Variants in DGCR6 observed in about 807,000 individuals in gnomAD.
DGCR6 encodes the protein protein DGCR6.
rs1380271455 is a variant in DGCR6, at chr22:18,908,771, G to C, written c.272-1401G>C. 1.5e-5 allele frequency: 4 copies of C among 273,470 alleles called. 2 individuals are homozygous for C. The highest frequency in any genetic ancestry group is 3.6e-5 in the Non-Finnish European group (4 of 111,572). The allele number at this position is 273,470 out of a possible 1,614,324, so 16.9% of individuals were successfully genotyped here. On this transcript the variant is annotated intron_variant, in intron 2 of 4. Coordinates refer to ENST00000331444, the MANE Select transcript of DGCR6 (RefSeq NM_005675.6). Reference sequence around the variant, plus strand: ...TCGGCCATTTTTCCACAGAGTTGTAGTTCTTTCTAGCAGGATGGGGAGTTT... The same window carrying C: ...TCGGCCATTTTTCCACAGAGTTGTACTTCTTTCTAGCAGGATGGGGAGTTT...
At position 18,908,492 on chromosome 22, in the gene DGCR6, C is replaced by A. The variant is rs183869501; in HGVS notation, c.272-1680C>A. 1.2e-4 allele frequency among the ~76,000 whole-genome samples: 6 copies of A among 48,206 alleles called. No individual in the cohort carries two copies. The East Asian group carries it at 1.7e-3, about 14-fold the overall frequency. The allele number at this position is 48,206 out of a possible 152,430, so 31.6% of individuals were successfully genotyped here. A position where few individuals can be genotyped will look rare whatever the true frequency, so the allele number is the denominator to read the frequency against. The stretch of plus-strand genomic sequence containing the variant: ...AAGAGTTTGTGTAGAATTGGCATTA[C>A]TTCTTCCCCTAAATGTCTGGGTGAC... On this transcript the variant is annotated intron_variant, in intron 2 of 4. Coordinates refer to ENST00000331444, the MANE Select transcript of DGCR6 (RefSeq NM_005675.6).
At chr22:18,909,536 G>A (rs58429224) in intron 2 of DGCR6, among the ~76,000 whole-genome samples, 1,830 of 50,726 alleles carry the variant, frequency 0.036, 319 homozygotes, top group African/African-American at 0.1. Flanking sequence ...CTTGGTGGCC[G>A]AGGGTGAGCC....
intron 2 of DGCR6, chr22:18,908,620 C>G (rs1448013004): frequency 3.2e-6 from 1 of 308,624 alleles, no homozygotes; most frequent in African/African-American, 3.0e-5. Context: ...CATGTGTGGC[C>G]AGTTGGGGGC....
In DGCR6 at chr22:18,909,773, C is replaced by T. The variant is rs528860739; in HGVS notation, c.272-399C>T. ...GCAGAGGCCCCACGCTCAGGGTCAG[C>T]GACCCGGCTCCTCCTGCTCCTTTCC... On this transcript the variant is annotated intron_variant, in intron 2 of 4. Transcript: ENST00000331444. Among the ~76,000 whole-genome samples, 3 of 87,636 alleles carry T rather than the reference C, an allele frequency of 3.4e-5. 1 individual carries two copies. The highest frequency in any genetic ancestry group is 9.0e-5 in the Non-Finnish European group (3 of 33,270). 57.5% of individuals were successfully genotyped at this position (87,636 alleles called of 152,430 possible).
At chr22:18,910,860 TC>T in intron 3 of DGCR6, 27 bp from the exon 4 acceptor site, 1 of 94,750 alleles carries the variant, frequency 1.1e-5, no homozygotes. Context: ...TGCCCTCACC[TC>T]CCCCGCCGCC....
At chr22:18,906,982 TC>T in intron 2 of DGCR6, 1 of 61,954 alleles carries the variant, frequency 1.6e-5, no homozygotes, top group Admixed American at 1.8e-4. Context: ...CCCACCCCCT[TC>T]CAGGCCTGAT....
chr22:18,908,990 G>A lies in DGCR6; in HGVS notation c.272-1182G>A, dbSNP rs1332930647. Among the ~76,000 whole-genome samples the A allele has an allele frequency of 3.8e-5, 4 of 104,280 alleles. 2 individuals carry two copies. The highest frequency in any genetic ancestry group is 1.2e-4 in the African/African-American group (4 of 32,514). 68.4% of individuals were successfully genotyped at this position (104,280 alleles called of 152,430 possible). ...GGCCCCTTCTGCCCAGGCAGCCGGC[G>A]TGGCTCTCTTCTTGCCTTTTGGTTG... On this transcript the variant is annotated intron_variant, in intron 2 of 4. Coordinates refer to ENST00000331444, the MANE Select transcript of DGCR6 (RefSeq NM_005675.6).
chr22:18,909,689 G>A (rs117145996), intron 2 of DGCR6, among the ~76,000 whole-genome samples: 1,841 of 81,842 alleles, frequency 0.022, 532 homozygotes, highest in South Asian at 0.094. Flanking sequence ...ATGGGGGAGG[G>A]GGCTGCCCAC....
chr22:18,909,122 G>C (rs2081898754), intron 2 of DGCR6, among the ~76,000 whole-genome samples: 1 of 87,216 alleles, frequency 1.1e-5, no homozygotes. Context: ...GAGCTGTCTT[G>C]AGGGGGGCTT....
rs1438047340 is a variant in DGCR6, at chr22:18,908,579, G to A, written c.272-1593G>A. ...TGCAGTTTACTAATCCCAAGTGCAT[G>A]GCTCATTATTCCTTAATGCTCAGAC... On this transcript the variant is annotated intron_variant, in intron 2 of 4. Transcript: ENST00000331444. The A allele has an allele frequency of 2.5e-5, 6 of 239,680 alleles. No homozygotes were observed. In the East Asian group the frequency reaches 3.2e-4, roughly 13 times the overall value. 14.8% of individuals were successfully genotyped at this position (239,680 alleles called of 1,614,324 possible). A position where few individuals can be genotyped will look rare whatever the true frequency, so the allele number is the denominator to read the frequency against.
At position 18,909,800 on chromosome 22, in the gene DGCR6, A is replaced by G. The variant is rs1184771226; in HGVS notation, c.272-372A>G. Among the ~76,000 whole-genome samples, 2 of 81,706 alleles carry G rather than the reference A, an allele frequency of 2.4e-5. 1 individual carries two copies. Among genetic ancestry groups the G allele is most frequent in the Non-Finnish European group, 6.4e-5 (2 of 31,416 alleles). 53.6% of individuals were successfully genotyped at this position (81,706 alleles called of 152,430 possible). ...ACCCGGCTCCTCCTGCTCCTTTCCC[A>G]TGCCTTTGCCTGAGGTGGTCTCCAA... On this transcript the variant is annotated intron_variant, in intron 2 of 4. Coordinates refer to ENST00000331444, the MANE Select transcript of DGCR6 (RefSeq NM_005675.6).
chr22:18,909,224 AG>A (rs2081899120), intron 2 of DGCR6, among the ~76,000 whole-genome samples: 1 of 85,652 alleles, frequency 1.2e-5, no homozygotes, highest in South Asian at 2.7e-4. Flanking sequence ...GGCTACCTGC[AG>A]GGGAGCCTCA....
In DGCR6 at chr22:18,909,114, G is replaced by C. The variant is rs557274615; in HGVS notation, c.272-1058G>C. 7.4e-4 allele frequency among the ~76,000 whole-genome samples: 65 copies of C among 88,010 alleles called. 12 individuals are homozygous for C. The highest frequency in any genetic ancestry group is 2.3e-3 in the African/African-American group (62 of 27,008). The allele number at this position is 88,010 out of a possible 152,430, so 57.7% of individuals were successfully genotyped here. On this transcript the variant is annotated intron_variant, in intron 2 of 4. Transcript: ENST00000331444. ...TTTCCCTGCTTCCCTGTGTTATGGA[G>C]CTGTCTTGAGGGGGGCTTTTGGTAA...
At chr22:18,909,664 G>A (rs949520334) in intron 2 of DGCR6, among the ~76,000 whole-genome samples, 1 of 74,580 alleles carries the variant, frequency 1.3e-5, no homozygotes, top group Non-Finnish European at 3.5e-5. Context: ...GCTGTGTAGG[G>A]GCTGGGAGCT....
chr22:18,908,747 C>T lies in DGCR6; in HGVS notation c.272-1425C>T, dbSNP rs2081897267. On this transcript the variant is annotated intron_variant, in intron 2 of 4. Coordinates refer to ENST00000331444, the MANE Select transcript of DGCR6 (RefSeq NM_005675.6). ...TTTCTCCGTGTCTCAGTCCTGGAAT[C>T]GGCCATTTTTCCACAGAGTTGTAGT... 8.8e-5 allele frequency: 26 copies of T among 294,762 alleles called. 6 individuals are homozygous for T. Among genetic ancestry groups the T allele is most frequent in the South Asian group, 4.8e-4 (26 of 54,486 alleles). 18.3% of individuals were successfully genotyped at this position (294,762 alleles called of 1,614,324 possible).
intron 2 of DGCR6, among the ~76,000 whole-genome samples, chr22:18,909,165 A>G (rs1474157455): frequency 1.2e-5 from 1 of 83,680 alleles, no homozygotes; most frequent in African/African-American, 3.7e-5. Flanking sequence ...TGTGTACAGA[A>G]TGCCAAGAAA....
intron 2 of DGCR6, chr22:18,908,531 A>C (rs1478437847): frequency 9.8e-6 from 1 of 102,012 alleles, no homozygotes; most frequent in African/African-American, 5.5e-5. Context: ...CTTTTTAAAA[A>C]TTTTATTGAG....
At position 18,908,882 on chromosome 22, in the gene DGCR6, T is replaced by G. The variant is rs1218057414; in HGVS notation, c.272-1290T>G. ...CCACCAGCAGCAGGCATGCCTGCGT[T>G]GACTTTCTGCTTCTCCTGCTGATTT... On this transcript the variant is annotated intron_variant, in intron 2 of 4. Transcript: ENST00000331444. Among the ~76,000 whole-genome samples the G allele has an allele frequency of 2.3e-5, 2 of 86,574 alleles. 1 individual carries two copies. Among genetic ancestry groups the G allele is most frequent in the Non-Finnish European group, 5.7e-5 (2 of 35,130 alleles). 56.8% of individuals were successfully genotyped at this position (86,574 alleles called of 152,430 possible).
At chr22:18,911,327 G>A (rs2540657) in intron 4 of DGCR6, among the ~76,000 whole-genome samples, 1,000 of 14,004 alleles carry the variant, frequency 0.071, 444 homozygotes, top group Non-Finnish European at 0.089. Context: ...TGGGTGCAGA[G>A]GCTCAGATTC....
Sources: gnomAD v4.1 joint callset for allele counts (sites outside exome capture counted in the v4.1 genomes callset) on GRCh38, gnomAD v4.1.1 for gene constraint, MANE v1.5 for transcripts, NCBI Gene and HGNC (gene_info 2026-07-23, HGNC 2026-07-21) for gene names.